The following COPG2 variants were observed in gnomAD, a reference collection of about 807,000 sequenced individuals.
COPG2 encodes coat protein complex I subunit gamma 2.
Under a neutral mutation model 46.3 loss-of-function variants are expected in COPG2, and 37 were observed. The observed-to-expected ratio is 0.80, with a 90% confidence interval of 0.61 to 1.05. The LOEUF (loss-of-function observed/expected upper bound fraction) is 1.05, where lower values mean the gene tolerates loss of function less well. COPG2 is among the 50% of genes least tolerant of loss of function. The pLI is 0.00. For synonymous variants in COPG2, 159 were observed against 129.7 expected, an observed-to-expected ratio of 1.23 and a Z score of -1.53; for missense variants, 427 against 387.8, an observed-to-expected ratio of 1.10 and a Z score of -0.85.
intron 20 of COPG2, among the ~76,000 whole-genome samples, chr7:130,538,478 G>A (rs1188031646): frequency 6.6e-6 from 1 of 152,194 alleles, no homozygotes; most frequent in African/African-American, 2.4e-5. Flanking sequence ...AGGGAAGTTG[G>A]TATCATGCTT....
At chr7:130,605,427 TAATC>T (rs1226181766) in intron 9 of COPG2, among the ~76,000 whole-genome samples, 1 of 152,230 alleles carries the variant, frequency 6.6e-6, no homozygotes, top group Non-Finnish European at 1.5e-5. Context: ...AGGTGCAATC[TAATC>T]ACATGAGCAC....
intron 9 of COPG2, chr7:130,607,723 C>T (rs998802385): frequency 3.8e-6 from 2 of 520,086 alleles, no homozygotes; most frequent in Admixed American, 1.9e-5. Context: ...AGGTTTTCCA[C>T]TCTAAGTTTT....
intron 20 of COPG2, among the ~76,000 whole-genome samples, chr7:130,531,646 G>A (rs1469312410): frequency 2.0e-5 from 3 of 152,106 alleles, no homozygotes; most frequent in South Asian, 4.2e-4. Flanking sequence ...AAGGGAATGC[G>A]GTAGTTCCAC....
chr7:130,532,350 A>C (rs1799835592), intron 20 of COPG2, among the ~76,000 whole-genome samples: 1 of 152,102 alleles, frequency 6.6e-6, no homozygotes. Context: ...TGCGGGTGAG[A>C]GCAGACAGCA....
intron 9 of COPG2, among the ~76,000 whole-genome samples, chr7:130,588,678 G>A (rs1435800818): frequency 1.3e-5 from 2 of 152,142 alleles, no homozygotes; most frequent in African/African-American, 2.4e-5. Context: ...GATAGCATTA[G>A]GAGATATATC....
intron 5 of COPG2, among the ~76,000 whole-genome samples, chr7:130,649,316 C>T (rs1256008664): frequency 6.6e-6 from 1 of 152,216 alleles, no homozygotes; most frequent in Non-Finnish European, 1.5e-5. Context: ...CTTGGGTAGA[C>T]TAAGAATTTC....
chr7:130,557,834 A>AAAAAAC (rs1793654872), intron 12 of COPG2, among the ~76,000 whole-genome samples: 1 of 147,924 alleles, frequency 6.8e-6, no homozygotes, highest in Non-Finnish European at 1.5e-5. Flanking sequence ...AAAAAAAAAA[A>AAAAAAC]AAAATCATGC....
At chr7:130,607,240 C>CATAA (rs5887469) in intron 9 of COPG2, among the ~76,000 whole-genome samples, 10,273 of 145,868 alleles carry the variant, frequency 0.07, 421 homozygotes, top group African/African-American at 0.085. Flanking sequence ...GAGAGACTGT[C>CATAA]ATAAATAAAT....
intron 9 of COPG2, among the ~76,000 whole-genome samples, chr7:130,567,773 G>A (rs1191554000): frequency 1.3e-5 from 2 of 151,970 alleles, no homozygotes; most frequent in African/African-American, 4.8e-5. Flanking sequence ...GAGAGAATTC[G>A]CCACCACCAA....
chr7:130,513,387 G>GTA (rs1267193616), intron 20 of COPG2, among the ~76,000 whole-genome samples: 43 of 105,444 alleles, frequency 4.1e-4, no homozygotes, highest in African/African-American at 1.3e-3. Context: ...GTGTGTGTGT[G>GTA]TGTATATATA....
intron 20 of COPG2, among the ~76,000 whole-genome samples, chr7:130,514,518 G>A (rs1584960831): frequency 6.6e-6 from 1 of 152,206 alleles, no homozygotes; most frequent in Admixed American, 6.5e-5. Flanking sequence ...ACAGACACTA[G>A]AGAGAATTTG....
intron 9 of COPG2, among the ~76,000 whole-genome samples, chr7:130,598,094 G>A (rs922531397): frequency 2.6e-5 from 4 of 152,084 alleles, no homozygotes; most frequent in African/African-American, 9.7e-5. Flanking sequence ...TTCTAGTGTA[G>A]GAAGCTGGGA....
intron 9 of COPG2, among the ~76,000 whole-genome samples, chr7:130,601,798 T>C (rs1554450350): frequency 6.7e-6 from 1 of 149,146 alleles, no homozygotes; most frequent in African/African-American, 2.5e-5. Context: ...ATTCTGCACA[T>C]GTACCCCAGA....
At chr7:130,545,943 T>C (rs1290985771) in intron 20 of COPG2, among the ~76,000 whole-genome samples, 1 of 152,232 alleles carries the variant, frequency 6.6e-6, no homozygotes. Context: ...TATAAAATTA[T>C]ACTTCTTAGA....
intron 9 of COPG2, chr7:130,604,582 T>C: frequency 3.6e-6 from 1 of 279,568 alleles, no homozygotes; most frequent in South Asian, 3.8e-5. Context: ...GTACAGTTTA[T>C]TTTGCATTTC....
intron 5 of COPG2, chr7:130,645,577 C>T (rs1795579583): frequency 5.4e-6 from 1 of 184,906 alleles, no homozygotes; most frequent in Non-Finnish European, 1.1e-5. Flanking sequence ...CACCCAGCCA[C>T]ATCCCCCACG....
At chr7:130,651,492 G>GTTTTTTTTTTTTTTTT in intron 5 of COPG2, among the ~76,000 whole-genome samples, 1 of 30,778 alleles carries the variant, frequency 3.2e-5, no homozygotes, top group Non-Finnish European at 7.1e-5. Flanking sequence ...TAATTTTTTT[G>GTTTTTTTTTTTTTTTT]TATTTTTTTT....
Position 130,586,415 on chromosome 7 carries a change from G to T in COPG2, c.738-22022C>A, listed in dbSNP as rs944468875. ...CAACATCTCACAAATCACCACTAAA[G>T]AACTTACTTGTGTAACCAAATACCA... On this transcript the variant is annotated intron_variant, in intron 9 of 23. Coordinates refer to ENST00000425248, the MANE Select transcript of COPG2 (RefSeq NM_012133.6). Among the ~76,000 whole-genome samples the T allele has an allele frequency of 1.1e-4, 16 of 152,068 alleles. 4 individuals are homozygous for T. The highest frequency in any genetic ancestry group is 9.8e-4 in the Admixed American group (15 of 15,268).
At chr7:130,519,562 G>GT (rs1725729168) in intron 20 of COPG2, among the ~76,000 whole-genome samples, 1 of 152,198 alleles carries the variant, frequency 6.6e-6, no homozygotes, top group Non-Finnish European at 1.5e-5. Context: ...TGGAGAAAAT[G>GT]TAAGGAGTTT....
Sources: gnomAD v4.1 joint callset for allele counts (sites outside exome capture counted in the v4.1 genomes callset) on GRCh38, gnomAD v4.1.1 for gene constraint, MANE v1.5 for transcripts, NCBI Gene and HGNC (gene_info 2026-07-23, HGNC 2026-07-21) for gene names.